PCDH9: variants seen among roughly 807,000 people sequenced by gnomAD.
PCDH9 encodes protocadherin 9, also known as protocadherin-9.
PCDH9 carries 24 observed loss-of-function variants against 70.6 expected under a neutral mutation model. The ratio of observed to expected loss-of-function variants is 0.34; its 90% confidence interval spans 0.25 to 0.48. PCDH9 has a LOEUF of 0.48. Ranked by LOEUF, PCDH9 falls within the 20% of genes least tolerant of loss-of-function variation. The probability of loss-of-function intolerance (pLI) is 0.99; values close to 1 mark genes in which losing one functional copy is unlikely to be tolerated. For synonymous variants in PCDH9, 562 were observed against 558.5 expected, an observed-to-expected ratio of 1.01 and a Z score of -0.09; for missense variants, 1,281 against 1,503.6, an observed-to-expected ratio of 0.85 and a Z score of 2.45.
chr13:66,679,326 T>C (rs1371036367), intron 3 of PCDH9, among the ~76,000 whole-genome samples: 1 of 151,804 alleles, frequency 6.6e-6, no homozygotes, highest in Non-Finnish European at 1.5e-5. Context: ...TATTATAATA[T>C]GATATTATAG....
At chr13:66,649,793 GA>G (rs1021650994) in intron 3 of PCDH9, among the ~76,000 whole-genome samples, 4 of 151,722 alleles carry the variant, frequency 2.6e-5, no homozygotes, top group African/African-American at 9.7e-5. Flanking sequence ...GATATAAATA[GA>G]AAAAACAAAA....
intron 3 of PCDH9, among the ~76,000 whole-genome samples, chr13:66,775,867 G>A (rs1012206215): frequency 2.0e-5 from 3 of 152,030 alleles, no homozygotes; most frequent in Non-Finnish European, 4.4e-5. Flanking sequence ...CAACTGTGTT[G>A]ACCCTTTAGA....
intron 3 of PCDH9, among the ~76,000 whole-genome samples, chr13:66,794,498 T>C (rs2080209681): frequency 6.6e-6 from 1 of 152,176 alleles, no homozygotes; most frequent in Admixed American, 6.5e-5. Flanking sequence ...TTTAGCATCT[T>C]GTCACTGAAG....
chr13:66,796,324 G>A (rs2080240247), intron 3 of PCDH9, among the ~76,000 whole-genome samples: 1 of 152,102 alleles, frequency 6.6e-6, no homozygotes, highest in South Asian at 2.1e-4. Flanking sequence ...GCAGACCCTT[G>A]TCTGTAAAAC....
intron 2 of PCDH9, among the ~76,000 whole-genome samples, chr13:67,038,643 C>A (rs1012119373): frequency 6.6e-6 from 1 of 152,158 alleles, no homozygotes; most frequent in Non-Finnish European, 1.5e-5. Flanking sequence ...CTCAAAAACA[C>A]CTAGCCAGAT....
At chr13:66,767,899 T>A (rs1397265742) in intron 3 of PCDH9, among the ~76,000 whole-genome samples, 1 of 152,154 alleles carries the variant, frequency 6.6e-6, no homozygotes, top group Non-Finnish European at 1.5e-5. Context: ...CAGAGACTCA[T>A]AAGGCTTAGT....
intron 3 of PCDH9, among the ~76,000 whole-genome samples, chr13:66,667,083 C>G (rs1264172535): frequency 1.3e-5 from 2 of 151,764 alleles, no homozygotes; most frequent in Non-Finnish European, 1.5e-5. Flanking sequence ...CACATTTAAT[C>G]TAAAAATATG....
intron 3 of PCDH9, among the ~76,000 whole-genome samples, chr13:66,689,734 T>G (rs911650055): frequency 1.6e-4 from 25 of 152,112 alleles, no homozygotes; most frequent in African/African-American, 5.8e-4. Flanking sequence ...AAATCAAATT[T>G]TAATAGACAA....
intron 4 of PCDH9, among the ~76,000 whole-genome samples, chr13:66,436,389 G>A (rs968798568): frequency 5.3e-5 from 8 of 152,108 alleles, no homozygotes; most frequent in African/African-American, 1.7e-4. Flanking sequence ...AGAACTGTGA[G>A]AAAATGAATT....
intron 2 of PCDH9, among the ~76,000 whole-genome samples, chr13:67,156,255 G>A (rs1404183623): frequency 6.6e-6 from 1 of 152,124 alleles, no homozygotes; most frequent in Non-Finnish European, 1.5e-5. Context: ...GGCAAAGACC[G>A]AAACGACTGG....
At position 66,304,260 on chromosome 13, in the gene PCDH9, C is replaced by CAAAAAAAAAAAAAAAAAAAAAAAA; in HGVS notation, c.*371_*394dup. The CAAAAAAAAAAAAAAAAAAAAAAAA allele has an allele frequency of 3.1e-5, 2 of 65,320 alleles. 1 individual carries two copies. The highest frequency in any genetic ancestry group is 1.3e-4 in the African/African-American group (2 of 15,510). 4.0% of individuals were successfully genotyped at this position (65,320 alleles called of 1,614,324 possible). A position where few individuals can be genotyped will look rare whatever the true frequency, so the allele number is the denominator to read the frequency against. On this transcript the variant is annotated 3_prime_UTR_variant, in exon 5 of 5. Transcript: ENST00000377865. ...TAGCAGTCCCAGCACAAATCAATGACAAAAAAAAAAAAAAAAAAAAAAAAA... is the reference window on the plus strand; with the variant it reads ...TAGCAGTCCCAGCACAAATCAATGACAAAAAAAAAAAAAAAAAAAAAAAAAAAAAAAAAAAAAAAAAAAAAAAAA...
chr13:66,639,096 G>C (rs1004645528), intron 3 of PCDH9, among the ~76,000 whole-genome samples: 1 of 152,206 alleles, frequency 6.6e-6, no homozygotes, highest in African/African-American at 2.4e-5. Context: ...ATTGGGTGCA[G>C]ATGATAACTG....
chr13:67,019,242 G>A (rs1977471), intron 2 of PCDH9, among the ~76,000 whole-genome samples: 10,336 of 136,618 alleles, frequency 0.076, 484 homozygotes, highest in East Asian at 0.2. Flanking sequence ...CGCCCAGGCT[G>A]GAGTGCAGTG....
chr13:66,560,706 C>T (rs955935415), intron 4 of PCDH9, among the ~76,000 whole-genome samples: 3 of 151,790 alleles, frequency 2.0e-5, no homozygotes, highest in Non-Finnish European at 4.4e-5. Context: ...ATTGAAAAGG[C>T]ACATTTCACT....
chr13:67,084,374 C>A (rs1432794048), intron 2 of PCDH9, among the ~76,000 whole-genome samples: 3 of 152,098 alleles, frequency 2.0e-5, no homozygotes, highest in Non-Finnish European at 4.4e-5. Flanking sequence ...TTCTGCTGAT[C>A]CCAAATTGTT....
intron 3 of PCDH9, among the ~76,000 whole-genome samples, chr13:66,864,982 G>A (rs1187644354): frequency 6.6e-6 from 1 of 152,174 alleles, no homozygotes; most frequent in Admixed American, 6.5e-5. Context: ...ACAAATACAA[G>A]AGAAAGAATT....
intron 3 of PCDH9, among the ~76,000 whole-genome samples, chr13:66,678,098 A>G (rs948512662): frequency 1.3e-5 from 2 of 152,120 alleles, no homozygotes; most frequent in African/African-American, 2.4e-5. Context: ...AGTTATTTCT[A>G]AAATTTTGAA....
At position 66,627,953 on chromosome 13, in the gene PCDH9, T is replaced by C. The variant is rs2077520007; in HGVS notation, c.3340+3257A>G. On this transcript the variant is annotated intron_variant, in intron 4 of 4. Transcript: ENST00000377865. ...GTAAATTGTTATATGTATTGGACAA[T>C]ATTTTGGCCTGGGGCAGCTTAGTTT... 2.0e-5 allele frequency among the ~76,000 whole-genome samples: 3 copies of C among 152,212 alleles called. No individual in the cohort carries two copies. The South Asian group carries it at 6.2e-4, about 32-fold the overall frequency.
At chr13:67,090,242 C>G (rs191528688) in intron 2 of PCDH9, among the ~76,000 whole-genome samples, 1 of 152,048 alleles carries the variant, frequency 6.6e-6, no homozygotes, top group Non-Finnish European at 1.5e-5. Context: ...TGTGAGGGAA[C>G]TTGTGAAAAT....
Sources: gnomAD v4.1 joint callset for allele counts (sites outside exome capture counted in the v4.1 genomes callset) on GRCh38, gnomAD v4.1.1 for gene constraint, MANE v1.5 for transcripts, NCBI Gene and HGNC (gene_info 2026-07-23, HGNC 2026-07-21) for gene names.